Variants in SLC9B1 observed in about 807,000 individuals in gnomAD.
SLC9B1 encodes sodium/hydrogen exchanger 9B1.
SLC9B1 carries 32 observed loss-of-function variants against 51.7 expected under a neutral mutation model. The observed-to-expected ratio is 0.62, with a 90% confidence interval of 0.47 to 0.83. The LOEUF is 0.83. Ranked by LOEUF, SLC9B1 falls within the 40% of genes least tolerant of loss-of-function variation. SLC9B1 has a pLI of 0.00. For synonymous variants in SLC9B1, 145 were observed against 212.7 expected, an observed-to-expected ratio of 0.68 and a Z score of 2.77; for missense variants, 406 against 613.2, an observed-to-expected ratio of 0.66 and a Z score of 3.57.
At chr4:103,013,022 T>C (rs890746549) in intron 1 of SLC9B1, among the ~76,000 whole-genome samples, 1 of 152,214 alleles carries the variant, frequency 6.6e-6, no homozygotes, top group East Asian at 1.9e-4. Flanking sequence ...AGTCAAACCA[T>C]AGCATAAACC....
intron 3 of SLC9B1, among the ~76,000 whole-genome samples, chr4:102,984,433 C>T (rs914371381): frequency 2.0e-5 from 3 of 152,084 alleles, no homozygotes; most frequent in African/African-American, 7.2e-5. Context: ...GTATTTTTAC[C>T]TTTCTCTTGA....
chr4:102,905,229 A>ATTTATTTATTTATTTATTTT (rs1225802544), intron 11 of SLC9B1, among the ~76,000 whole-genome samples: 2 of 151,150 alleles, frequency 1.3e-5, no homozygotes, highest in Non-Finnish European at 3.0e-5. Flanking sequence ...TTATTTATTT[A>ATTTATTTATTTATTTATTTT]TTTATTTTTT....
chr4:102,978,546 A>C (rs1739197058), intron 3 of SLC9B1, among the ~76,000 whole-genome samples: 1 of 152,222 alleles, frequency 6.6e-6, no homozygotes, highest in Non-Finnish European at 1.5e-5. Flanking sequence ...TTATGCAGCC[A>C]AAAGACACAT....
chr4:103,010,768 T>TA (rs1263916463), intron 1 of SLC9B1, among the ~76,000 whole-genome samples: 1 of 152,194 alleles, frequency 6.6e-6, no homozygotes, highest in Non-Finnish European at 1.5e-5. Context: ...ATAAGGGCAT[T>TA]AATCCATTTA....
intron 3 of SLC9B1, among the ~76,000 whole-genome samples, chr4:102,961,235 A>T (rs1319538544): frequency 1.3e-5 from 2 of 152,262 alleles, no homozygotes; most frequent in Non-Finnish European, 2.9e-5. Context: ...GGAGTCCTGA[A>T]AGTGTTAATA....
At chr4:102,989,726 T>C (rs915196664) in intron 3 of SLC9B1, 74 bp downstream of exon 3, 1 of 1,061,158 alleles carries the variant, frequency 9.4e-7, no homozygotes, top group African/African-American at 1.6e-5. Flanking sequence ...GTAGTGTCTT[T>C]GTTGTCTCAT....
intron 11 of SLC9B1, among the ~76,000 whole-genome samples, chr4:102,905,205 T>TTTTATTTATTTATTTA (rs1255225574): frequency 2.7e-5 from 2 of 74,154 alleles, no homozygotes; most frequent in African/African-American, 1.4e-4. Flanking sequence ...GGTTCTTTGT[T>TTTTATTTATTTATTTA]TTTGTTTATT....
chr4:102,910,686 T>C (rs1454827223), intron 8 of SLC9B1, 98 bp from the exon 9 acceptor site: 2 of 523,170 alleles, frequency 3.8e-6, no homozygotes, highest in East Asian at 9.8e-5. Context: ...TGATATTATG[T>C]CTTTAAATGT....
intron 7 of SLC9B1, among the ~76,000 whole-genome samples, chr4:102,926,976 A>C (rs6843122): frequency 0.58 from 87,399 of 151,904 alleles, 26,392 homozygotes; most frequent in African/African-American, 0.78. Context: ...CTTTGACAAA[A>C]CTGAGAAAAA....
chr4:102,934,688 C>T (rs557455819), intron 6 of SLC9B1, among the ~76,000 whole-genome samples: 1 of 151,398 alleles, frequency 6.6e-6, no homozygotes, highest in Non-Finnish European at 1.5e-5. Context: ...ATCACTTGAA[C>T]CCGGGAGGTG....
At chr4:102,974,952 C>T (rs17033381) in intron 3 of SLC9B1, among the ~76,000 whole-genome samples, 87,483 of 151,934 alleles carry the variant, frequency 0.58, 26,439 homozygotes, top group African/African-American at 0.77. Context: ...CCGTTGGGTA[C>T]CTCAGGAATA....
intron 1 of SLC9B1, among the ~76,000 whole-genome samples, chr4:103,008,429 T>A (rs1164404756): frequency 6.6e-6 from 1 of 152,040 alleles, no homozygotes; most frequent in Non-Finnish European, 1.5e-5. Flanking sequence ...CTACTTTTTT[T>A]TTTTTTTTTG....
chr4:102,962,833 G>A (rs1447586396), intron 3 of SLC9B1: 2 of 473,564 alleles, frequency 4.2e-6, no homozygotes, highest in African/African-American at 4.0e-5. Context: ...ATTCCTGGAA[G>A]TGGATCAAAC....
chr4:103,004,321 AGC>A (rs1397235512), intron 1 of SLC9B1, among the ~76,000 whole-genome samples: 1 of 152,208 alleles, frequency 6.6e-6, no homozygotes, highest in Non-Finnish European at 1.5e-5. Context: ...GAATAGACCA[AGC>A]TCAGGAAATA....
intron 1 of SLC9B1, among the ~76,000 whole-genome samples, chr4:103,011,069 G>A (rs185917816): frequency 3.3e-4 from 50 of 152,242 alleles, no homozygotes; most frequent in African/African-American, 1.2e-3. Context: ...TTCATCCTGA[G>A]GCAAATTGCT....
At chr4:103,000,330 A>G (rs1740454253) in intron 1 of SLC9B1, among the ~76,000 whole-genome samples, 1 of 152,158 alleles carries the variant, frequency 6.6e-6, no homozygotes, top group Non-Finnish European at 1.5e-5. Flanking sequence ...TACAAGTCCA[A>G]AGTCTCATCT....
chr4:102,972,344 A>G (rs534650081), intron 3 of SLC9B1, among the ~76,000 whole-genome samples: 63 of 152,316 alleles, frequency 4.1e-4, no homozygotes, highest in Admixed American at 1.4e-3. Context: ...ATATACACAA[A>G]TCAATAAACG....
At chr4:102,972,960 G>A (rs527415284) in intron 3 of SLC9B1, among the ~76,000 whole-genome samples, 17 of 152,164 alleles carry the variant, frequency 1.1e-4, no homozygotes, top group Non-Finnish European at 2.2e-4. Flanking sequence ...AAGGGTAATC[G>A]TGAATAGAAT....
intron 1 of SLC9B1, among the ~76,000 whole-genome samples, chr4:102,999,660 T>G (rs543714017): frequency 6.6e-6 from 1 of 152,312 alleles, no homozygotes; most frequent in East Asian, 1.9e-4. Flanking sequence ...AAAAATCACT[T>G]TAACCAAATC....
Sources: allele counts gnomAD v4.1 joint callset (sites outside exome capture counted in the v4.1 genomes callset), GRCh38; gene constraint gnomAD v4.1.1; transcripts MANE v1.5; gene names NCBI Gene and HGNC (gene_info 2026-07-23, HGNC 2026-07-21).